Variants in ANKS1B observed in about 807,000 individuals in gnomAD.
ANKS1B encodes the protein ankyrin repeat and sterile alpha motif domain-containing protein 1B.
A neutral mutation model predicts 148.3 loss-of-function variants in ANKS1B; 36 were observed. The observed-to-expected ratio is 0.24, with a 90% confidence interval of 0.19 to 0.32. The LOEUF (loss-of-function observed/expected upper bound fraction) is 0.32. ANKS1B is among the 10% of genes least tolerant of loss of function. ANKS1B has a pLI of 1.00. For synonymous variants in ANKS1B, 542 were observed against 560.8 expected (o/e 0.97, Z 0.47); for missense variants, 1,157 against 1,542.6 (o/e 0.75, Z 4.19).
chr12:99,535,345 C>T (rs2097054985), intron 9 of ANKS1B, among the ~76,000 whole-genome samples: 1 of 152,172 alleles, frequency 6.6e-6, no homozygotes, highest in South Asian at 2.1e-4. Context: ...CTCTTGTTGT[C>T]CCACGTCCAT....
intron 14 of ANKS1B, among the ~76,000 whole-genome samples, chr12:99,232,029 G>T (rs1007207224): frequency 1.2e-4 from 18 of 152,086 alleles, no homozygotes; most frequent in Admixed American, 1.2e-3. Flanking sequence ...GAGGGACTCT[G>T]AACTGTGACC....
intron 12 of ANKS1B, among the ~76,000 whole-genome samples, chr12:99,324,693 AT>A (rs1257180541): frequency 6.6e-6 from 1 of 152,176 alleles, no homozygotes; most frequent in African/African-American, 2.4e-5. Context: ...TAAAAGTACT[AT>A]AAAAAACATT....
At chr12:99,927,528 G>A (rs572058812) in intron 1 of ANKS1B, among the ~76,000 whole-genome samples, 2 of 152,260 alleles carry the variant, frequency 1.3e-5, no homozygotes, top group East Asian at 3.9e-4. Flanking sequence ...ATGTCTCTTT[G>A]CTTGTTTTTA....
chr12:99,964,582 C>T (rs1257429251), intron 1 of ANKS1B, among the ~76,000 whole-genome samples: 1 of 152,160 alleles, frequency 6.6e-6, no homozygotes, highest in Admixed American at 6.5e-5. Flanking sequence ...AGAGGGCATC[C>T]CTTCTGGCAT....
At chr12:99,837,557 A>C (rs1343120491) in intron 1 of ANKS1B, among the ~76,000 whole-genome samples, 1 of 152,172 alleles carries the variant, frequency 6.6e-6, no homozygotes, top group Non-Finnish European at 1.5e-5. Flanking sequence ...ACCTAAGTTA[A>C]TCTTCATAAC....
chr12:99,221,840 G>A (rs1315056521), intron 14 of ANKS1B, among the ~76,000 whole-genome samples: 1 of 152,086 alleles, frequency 6.6e-6, no homozygotes. Context: ...TCACACATAT[G>A]CCTTCATATG....
At chr12:99,546,098 A>C (rs1472627492) in intron 9 of ANKS1B, among the ~76,000 whole-genome samples, 5 of 152,134 alleles carry the variant, frequency 3.3e-5, no homozygotes, top group Non-Finnish European at 5.9e-5. Flanking sequence ...ATTAAAATAG[A>C]AGATTAATAA....
intron 9 of ANKS1B, among the ~76,000 whole-genome samples, chr12:99,586,986 C>T (rs1178935335): frequency 6.6e-6 from 1 of 151,916 alleles, no homozygotes; most frequent in African/African-American, 2.4e-5. Context: ...CCAAACCATA[C>T]ACAAAACATA....
chr12:99,649,155 C>T (rs763434243), intron 9 of ANKS1B: 28 of 735,020 alleles, frequency 3.8e-5, no homozygotes, highest in Non-Finnish European at 6.1e-5. Flanking sequence ...CCTGCAATTG[C>T]CACTTATATA....
At chr12:98,989,056 A>AGGTTGTCTTTTCACTCTGTT (rs1245714242) in intron 17 of ANKS1B, among the ~76,000 whole-genome samples, 2 of 152,130 alleles carry the variant, frequency 1.3e-5, no homozygotes, top group African/African-American at 4.8e-5. Flanking sequence ...CACACTCTGT[A>AGGTTGTCTTTTCACTCTGTT]GGTTGTCTTT....
At chr12:99,876,554 C>G (rs1353115612) in intron 1 of ANKS1B, among the ~76,000 whole-genome samples, 1 of 151,990 alleles carries the variant, frequency 6.6e-6, no homozygotes, top group East Asian at 1.9e-4. Flanking sequence ...GAAATCTCGT[C>G]TCTACTAAAA....
chr12:99,556,252 T>C (rs902315459), intron 9 of ANKS1B, among the ~76,000 whole-genome samples: 22 of 152,198 alleles, frequency 1.4e-4, no homozygotes, highest in Non-Finnish European at 2.9e-5. Flanking sequence ...GGGTTTTGTG[T>C]ATTTCTGTGG....
intron 8 of ANKS1B, among the ~76,000 whole-genome samples, chr12:99,661,682 C>T (rs1030995026): frequency 6.6e-6 from 1 of 152,182 alleles, no homozygotes; most frequent in Non-Finnish European, 1.5e-5. Flanking sequence ...AGTCATCTCC[C>T]AATATACAGT....
At chr12:99,700,784 G>A (rs1024728653) in intron 8 of ANKS1B, among the ~76,000 whole-genome samples, 2 of 152,068 alleles carry the variant, frequency 1.3e-5, no homozygotes, top group African/African-American at 2.4e-5. Flanking sequence ...GTTCCTAACT[G>A]GAAACTAACT....
At chr12:99,346,985 G>A (rs577035034) in intron 12 of ANKS1B, among the ~76,000 whole-genome samples, 22 of 152,012 alleles carry the variant, frequency 1.4e-4, no homozygotes, top group African/African-American at 4.8e-4. Context: ...GCTTAATGGT[G>A]GTCCTGAAGA....
chr12:98,777,207 A>G (rs1055747500), intron 24 of ANKS1B, among the ~76,000 whole-genome samples: 3 of 152,074 alleles, frequency 2.0e-5, no homozygotes, highest in Non-Finnish European at 4.4e-5. Flanking sequence ...AAACAAAACA[A>G]AACAAAAAAA....
At chr12:98,851,559 G>A (rs1228231534) in intron 17 of ANKS1B, among the ~76,000 whole-genome samples, 3 of 152,098 alleles carry the variant, frequency 2.0e-5, no homozygotes, top group African/African-American at 7.2e-5. Flanking sequence ...GCAGGACTGG[G>A]GGATATGAAG....
intron 17 of ANKS1B, among the ~76,000 whole-genome samples, chr12:99,048,483 T>C (rs538156712): frequency 6.6e-6 from 1 of 152,296 alleles, no homozygotes; most frequent in East Asian, 1.9e-4. Flanking sequence ...ACTGCAAGAG[T>C]GTAAATTCAC....
intron 17 of ANKS1B, among the ~76,000 whole-genome samples, chr12:98,921,275 C>T (rs910762742): frequency 2.6e-5 from 4 of 152,092 alleles, no homozygotes; most frequent in Middle Eastern, 3.2e-3. Flanking sequence ...CCAAAATGTA[C>T]AGGTGATAAA....
Sources: gnomAD v4.1 joint callset for allele counts (sites outside exome capture counted in the v4.1 genomes callset) on GRCh38, gnomAD v4.1.1 for gene constraint, MANE v1.5 for transcripts, NCBI Gene and HGNC (gene_info 2026-07-23, HGNC 2026-07-21) for gene names.